TRIM5: variants seen among roughly 807,000 people sequenced by gnomAD.
TRIM5 encodes tripartite motif-containing protein 5.
A neutral mutation model predicts 35.6 loss-of-function variants in TRIM5; 31 were observed. The observed-to-expected ratio is 0.87, with a 90% CI of 0.65 to 1.18. The LOEUF (loss-of-function observed/expected upper bound fraction) is 1.18. TRIM5 is among the 50% of genes most tolerant of loss of function. The pLI, the probability that TRIM5 is intolerant of heterozygous loss-of-function variation, is 0.00. For synonymous variants in TRIM5, 243 were observed against 215.6 expected, an observed-to-expected ratio of 1.13 and a Z score of -1.11; for missense variants, 609 against 591.6, an observed-to-expected ratio of 1.03 and a Z score of -0.31.
At chr11:5,611,270 C>G in the TRIM5 span, 1 of 1,614,064 alleles carries the variant, frequency 6.2e-7, no homozygotes, top group Non-Finnish European at 8.5e-7. Flanking sequence ...ATTACTTTCC[C>G]ACTACTCTTT....
chr11:5,619,253 A>G, the TRIM5 span, among the ~76,000 whole-genome samples: 1 of 151,384 alleles, frequency 6.6e-6, no homozygotes, highest in Non-Finnish European at 1.5e-5. Context: ...GCCATTATCA[A>G]TATTTTGATG....
the TRIM5 span, among the ~76,000 whole-genome samples, chr11:5,641,838 G>A: frequency 2.2e-4 from 34 of 152,236 alleles, no homozygotes; most frequent in Middle Eastern, 3.4e-3. Flanking sequence ...ACCATTTTTA[G>A]TTAGGTTGTC....
At chr11:5,656,362 T>TA in the TRIM5 span, among the ~76,000 whole-genome samples, 1 of 151,602 alleles carries the variant, frequency 6.6e-6, no homozygotes, top group Non-Finnish European at 1.5e-5. Flanking sequence ...ACACTTTTTT[T>TA]TTTTTTTTTG....
chr11:5,643,607 C>T, the TRIM5 span: 3 of 1,614,042 alleles, frequency 1.9e-6, no homozygotes, highest in Non-Finnish European at 2.5e-6. Flanking sequence ...ATGGCTCCCT[C>T]ATTTACAAGT....
chr11:5,642,744 C>G, the TRIM5 span: 1 of 1,593,664 alleles, frequency 6.3e-7, no homozygotes, highest in African/African-American at 1.3e-5. Flanking sequence ...TGTCCCTACT[C>G]TAAAGAATAT....
At chr11:5,610,205 C>A in the TRIM5 span, 1 of 1,614,062 alleles carries the variant, frequency 6.2e-7, no homozygotes, top group Admixed American at 1.7e-5. Flanking sequence ...GAAGTATGTT[C>A]CGAGCCCCAG....
At chr11:5,605,216 C>T in the TRIM5 span, 2 of 1,321,792 alleles carry the variant, frequency 1.5e-6, no homozygotes, top group Non-Finnish European at 2.2e-6. Flanking sequence ...AGCATTTACC[C>T]TCCCTCTCCC....
At chr11:5,641,183 T>G in the TRIM5 span, 1 of 1,613,852 alleles carries the variant, frequency 6.2e-7, no homozygotes, top group Non-Finnish European at 8.5e-7. Flanking sequence ...AGTGGAATCA[T>G]GAAATGGTGC....
Position 5,665,191 on chromosome 11 carries a change from T to C in TRIM5, c.1100A>G (p.Lys367Arg). Residue 367 changes from lysine (K) to arginine (R), a missense_variant, in exon 8 of 8, where the codon AAG becomes AGG. Physicochemically the swap from Lys to Arg is conservative, Grantham distance 26 (BLOSUM62 2). Coordinates refer to ENST00000380034, the MANE Select transcript of TRIM5 (RefSeq NM_033034.3). ...GKHYWEVDVS[K>R]KTAWILGVCA... is the part of the protein sequence containing the mutation. ...TACCCCCAGGATCCAAGCAGTTTTCTTGGACACGTCTACCTCCCAGTAATG... is the reference window on the plus strand; with the variant it reads ...TACCCCCAGGATCCAAGCAGTTTTCCTGGACACGTCTACCTCCCAGTAATG... The C allele has an allele frequency of 1.9e-6, 3 of 1,614,134 alleles. No individual in the cohort carries two copies. The highest frequency in any genetic ancestry group is 2.2e-5 in the East Asian group (1 of 44,886).
the TRIM5 span, among the ~76,000 whole-genome samples, chr11:5,651,738 A>G: frequency 6.6e-6 from 1 of 152,218 alleles, no homozygotes; most frequent in African/African-American, 2.4e-5. Context: ...CACAGTGGCT[A>G]AACTAATTTA....
At position 5,666,058 on chromosome 11, in the gene TRIM5, T is replaced by G; in HGVS notation, c.791A>C (p.Lys264Thr). The part of the protein sequence containing the change: ...IKRTENVTLK[K>T]PETFPKNQRR... ...TTGATTTTTTGGAAAAGTTTCTGGC[T>G]TCTTCAAGGTCACGTTCTCCGTCCT... The change falls in exon 6 of 8, where the codon AAG (lysine) becomes ACG (threonine). Residue 264 changes from lysine (K) to threonine (T), a missense_variant. Physicochemically the swap from Lys to Thr is moderately conservative, Grantham distance 78. Transcript: ENST00000380034. 1 of 1,613,138 alleles carries G rather than the reference T, an allele frequency of 6.2e-7. No homozygotes were observed. The highest frequency in any genetic ancestry group is 8.5e-7 in the Non-Finnish European group (1 of 1,179,818).
At position 5,664,733 on chromosome 11, in the gene TRIM5, T is replaced by G; in HGVS notation, c.*76A>C. 6.7e-7 allele frequency: 1 copy of G among 1,496,324 alleles called. No individual in the cohort carries two copies. Among genetic ancestry groups the G allele is most frequent in the African/African-American group, 1.4e-5 (1 of 71,492 alleles). 92.7% of individuals were successfully genotyped at this position (1,496,324 alleles called of 1,614,324 possible). On this transcript the variant is annotated 3_prime_UTR_variant, in exon 8 of 8. Transcript: ENST00000380034. ...AGCAAGGAAAAGATGGTTAAAATGA[T>G]GCAAATGAGTTCAGGTGTATGAGAT...
the TRIM5 span, among the ~76,000 whole-genome samples, chr11:5,651,418 G>A: frequency 6.6e-6 from 1 of 152,098 alleles, no homozygotes; most frequent in Non-Finnish European, 1.5e-5. Flanking sequence ...CCTCAAGTAG[G>A]CTCCGATGTC....
In TRIM5 at chr11:5,665,296, C is replaced by T. The variant is rs145938172; in HGVS notation, c.995G>A (p.Arg332Gln). 17 of 1,614,164 alleles carry T rather than the reference C, an allele frequency of 1.1e-5. No individual in the cohort carries two copies. The highest frequency in any genetic ancestry group is 1.4e-5 in the Non-Finnish European group (17 of 1,180,032). Reference sequence around the variant, plus strand: ...CACAAATGTCTGGTATCTTGTCCCTCGTGCCCCATATATTATCTGTGGTTT... The same window carrying T: ...CACAAATGTCTGGTATCTTGTCCCTTGTGCCCCATATATTATCTGTGGTTT... ...SPKPQIIYGA[R>Q]GTRYQTFVNF... Residue 332 changes from arginine (R) to glutamine (Q), a missense_variant, in exon 8 of 8, where the codon CGA becomes CAA. Coordinates refer to ENST00000380034, the MANE Select transcript of TRIM5 (RefSeq NM_033034.3).
At chr11:5,604,051 A>G in the TRIM5 span, among the ~76,000 whole-genome samples, 3 of 152,080 alleles carry the variant, frequency 2.0e-5, no homozygotes, top group African/African-American at 7.2e-5. Context: ...GTTGGAGTGC[A>G]GTGGTGCGAT....
At chr11:5,609,266 C>T in the TRIM5 span, among the ~76,000 whole-genome samples, 1 of 152,106 alleles carries the variant, frequency 6.6e-6, no homozygotes. Flanking sequence ...CTGTACTCTC[C>T]GTTTGGAGGT....
chr11:5,603,236 A>C, the TRIM5 span: 1 of 1,605,596 alleles, frequency 6.2e-7, no homozygotes, highest in Non-Finnish European at 8.5e-7. Context: ...TTGTTTGTTC[A>C]TCTACCTAGG....
chr11:5,630,678 A>G, the TRIM5 span, among the ~76,000 whole-genome samples: 165 of 152,246 alleles, frequency 1.1e-3, 1 homozygote, highest in African/African-American at 3.5e-3. Flanking sequence ...TTACTTATCC[A>G]AGCAAGATAT....
the TRIM5 span, among the ~76,000 whole-genome samples, chr11:5,649,827 CA>C: frequency 6.6e-6 from 1 of 152,060 alleles, no homozygotes; most frequent in East Asian, 1.9e-4. Flanking sequence ...AAAATAACAC[CA>C]TATGTTGGAC....
Sources: allele counts gnomAD v4.1 joint callset (sites outside exome capture counted in the v4.1 genomes callset), GRCh38; gene constraint gnomAD v4.1.1; transcripts MANE v1.5; gene names NCBI Gene and HGNC (gene_info 2026-07-23, HGNC 2026-07-21).